The following PAM variants were observed in gnomAD, a reference collection of about 807,000 sequenced individuals.
The protein encoded by PAM is peptidylglycine alpha-amidating monooxygenase, also known as peptidyl-glycine alpha-amidating monooxygenase.
Under a neutral mutation model 122.1 loss-of-function variants are expected in PAM, and 72 were observed. That is an observed-to-expected ratio of 0.59 (90% confidence interval 0.49 to 0.72). The LOEUF is 0.72. Among genes scored for constraint, PAM ranks in the 30% least tolerant of loss-of-function variants. PAM has a pLI of 0.00. For synonymous variants in PAM, 389 were observed against 404.4 expected, an observed-to-expected ratio of 0.96 and a Z score of 0.46; for missense variants, 1,106 against 1,183.7, an observed-to-expected ratio of 0.93 and a Z score of 0.96.
At chr5:102,903,549 T>C (rs892807527) in intron 4 of PAM, among the ~76,000 whole-genome samples, 4 of 151,390 alleles carry the variant, frequency 2.6e-5, no homozygotes, top group African/African-American at 4.8e-5. Context: ...GCTAAGACAA[T>C]AGTTTGTATG....
chr5:102,769,701 C>T (rs258135), intron 1 of PAM, among the ~76,000 whole-genome samples: 1 of 151,740 alleles, frequency 6.6e-6, no homozygotes, highest in African/African-American at 2.4e-5. Flanking sequence ...GTTCTGTTCC[C>T]TCTGTCTATG....
intron 16 of PAM, among the ~76,000 whole-genome samples, chr5:102,993,871 G>A (rs546182711): frequency 6.6e-5 from 10 of 152,056 alleles, no homozygotes; most frequent in East Asian, 1.9e-4. Flanking sequence ...GCATTCCTTC[G>A]TCTGACCTAG....
chr5:102,783,054 A>C (rs1158261998), intron 1 of PAM, among the ~76,000 whole-genome samples: 2 of 152,060 alleles, frequency 1.3e-5, no homozygotes. Context: ...AGGAAAGAAA[A>C]AAAACTCAAA....
intron 4 of PAM, among the ~76,000 whole-genome samples, chr5:102,910,085 C>T (rs1800922588): frequency 6.6e-6 from 1 of 151,768 alleles, no homozygotes; most frequent in Non-Finnish European, 1.5e-5. Flanking sequence ...CTTTCTATGT[C>T]CTAAGTCTGG....
intron 1 of PAM, among the ~76,000 whole-genome samples, chr5:102,767,099 A>G (rs1452460322): frequency 6.6e-6 from 1 of 151,274 alleles, no homozygotes; most frequent in Admixed American, 6.6e-5. Flanking sequence ...CCTCTGTTAA[A>G]CAACCAGAAG....
rs1333533519 is a variant in PAM, at chr5:103,001,633, A to G, written c.1614-1400A>G. Reference sequence around the variant, plus strand: ...CTTATTGTTGTCTTTCAGGAAAACTATACCCAAAAGACTGTAACAGTCAAG... The same window carrying G: ...CTTATTGTTGTCTTTCAGGAAAACTGTACCCAAAAGACTGTAACAGTCAAG... On this transcript the variant is annotated intron_variant, in intron 16 of 25. Transcript: ENST00000438793. Among the ~76,000 whole-genome samples the G allele has an allele frequency of 3.9e-5, 6 of 152,264 alleles. No homozygotes were observed. The East Asian group carries it at 1.2e-3, about 29-fold the overall frequency.
At chr5:102,998,533 T>C (rs1776405416) in intron 16 of PAM, among the ~76,000 whole-genome samples, 1 of 152,198 alleles carries the variant, frequency 6.6e-6, no homozygotes, top group Admixed American at 6.5e-5. Context: ...ACTTTTCATA[T>C]TCCACAGGTC....
chr5:103,006,746 G>T, intron 18 of PAM, 55 bp from the exon 19 acceptor site: 1 of 1,259,530 alleles, frequency 7.9e-7, no homozygotes, highest in Non-Finnish European at 1.1e-6. Context: ...TCATGTGGGT[G>T]TAAGTCACTA....
intron 15 of PAM, among the ~76,000 whole-genome samples, chr5:102,986,183 TG>T (rs1771759540): frequency 6.6e-6 from 1 of 152,164 alleles, no homozygotes. Context: ...AGACAAAGGA[TG>T]GCCACTTTGA....
intron 1 of PAM, among the ~76,000 whole-genome samples, chr5:102,764,427 A>G (rs1157245822): frequency 6.6e-6 from 1 of 152,098 alleles, no homozygotes; most frequent in African/African-American, 2.4e-5. Flanking sequence ...GCATTTGAGC[A>G]AAAACCCAGA....
intron 1 of PAM, among the ~76,000 whole-genome samples, chr5:102,788,945 C>T (rs974610114): frequency 1.3e-5 from 2 of 152,050 alleles, no homozygotes; most frequent in African/African-American, 4.8e-5. Context: ...TGGCTCAGTG[C>T]TCTGTTGGTT....
intron 1 of PAM, among the ~76,000 whole-genome samples, chr5:102,772,723 A>G (rs1238156293): frequency 1.3e-5 from 2 of 152,146 alleles, no homozygotes; most frequent in East Asian, 1.9e-4. Flanking sequence ...CAACAAAACT[A>G]TAACACAAAT....
At chr5:102,842,875 T>G (rs111691694) in intron 1 of PAM, among the ~76,000 whole-genome samples, 2 of 152,338 alleles carry the variant, frequency 1.3e-5, no homozygotes, top group African/African-American at 4.8e-5. Context: ...CTTCTCCATT[T>G]GATATATACA....
At chr5:102,983,524 T>C (rs1019667854) in intron 15 of PAM, among the ~76,000 whole-genome samples, 1 of 150,822 alleles carries the variant, frequency 6.6e-6, no homozygotes, top group African/African-American at 2.4e-5. Flanking sequence ...TAATATGATA[T>C]ATAGGACACT....
Position 102,877,545 on chromosome 5 carries a change from A to T in PAM, c.210+10152A>T, listed in dbSNP as rs577917129. On this transcript the variant is annotated intron_variant, in intron 3 of 25. Coordinates refer to ENST00000438793, the MANE Select transcript of PAM (RefSeq NM_001177306.2). ...GAGGTAGGGAGAGAGACTTGGAAAC[A>T]AAAGTTTAGAATTCCTGTAAAGCTA... 3.2e-4 allele frequency among the ~76,000 whole-genome samples: 49 copies of T among 152,320 alleles called. No homozygotes were observed. The South Asian group carries it at 7.0e-3, about 22-fold the overall frequency.
chr5:102,828,573 C>G (rs757708874), intron 1 of PAM, among the ~76,000 whole-genome samples: 6 of 152,082 alleles, frequency 3.9e-5, no homozygotes, highest in Non-Finnish European at 8.8e-5. Context: ...TCTTGCTTCT[C>G]TAATCTATAA....
In PAM at chr5:102,825,947, G is replaced by T. The variant is rs571703028; in HGVS notation, c.-373-39876G>T. 9.2e-5 allele frequency among the ~76,000 whole-genome samples: 14 copies of T among 152,106 alleles called. No individual in the cohort carries two copies. The South Asian group carries it at 2.9e-3, about 32-fold the overall frequency. On this transcript the variant is annotated intron_variant, in intron 1 of 25. Coordinates refer to ENST00000438793, the MANE Select transcript of PAM (RefSeq NM_001177306.2). Reference sequence around the variant, plus strand: ...ACTGACTTGTGCTGTGTAAAACCTGGGTTTTATTTCTAACTCTACAATTTC... The same window carrying T: ...ACTGACTTGTGCTGTGTAAAACCTGTGTTTTATTTCTAACTCTACAATTTC...
At chr5:102,876,119 G>A (rs1354556101) in intron 3 of PAM, among the ~76,000 whole-genome samples, 7 of 151,862 alleles carry the variant, frequency 4.6e-5, no homozygotes, top group East Asian at 1.9e-4. Flanking sequence ...AATTTCTCTC[G>A]GCCAAATACA....
chr5:102,973,190 GC>G (rs1490018524), intron 14 of PAM, among the ~76,000 whole-genome samples: 1 of 152,186 alleles, frequency 6.6e-6, no homozygotes, highest in Non-Finnish European at 1.5e-5. Context: ...ACTGGTGGTT[GC>G]CCTTGGGTTT....
Sources: gnomAD v4.1 joint callset for allele counts (sites outside exome capture counted in the v4.1 genomes callset) on GRCh38, gnomAD v4.1.1 for gene constraint, MANE v1.5 for transcripts, NCBI Gene and HGNC (gene_info 2026-07-23, HGNC 2026-07-21) for gene names.